Variants in PTPRT observed in about 807,000 individuals in gnomAD.
PTPRT encodes the protein receptor-type tyrosine-protein phosphatase T.
In PTPRT, 56 loss-of-function variants were observed where a neutral mutation model predicts 176.8. That is an observed-to-expected ratio of 0.32 (90% CI 0.26 to 0.40). PTPRT has a LOEUF of 0.40. Ranked by LOEUF, PTPRT falls within the 10% of genes least tolerant of loss-of-function variation. The pLI is 1.00. For synonymous variants in PTPRT, 783 were observed against 739.0 expected, an observed-to-expected ratio of 1.06 and a Z score of -0.96; for missense variants, 1,540 against 1,908.2, an observed-to-expected ratio of 0.81 and a Z score of 3.60.
intron 16 of PTPRT, among the ~76,000 whole-genome samples, chr20:42,186,178 A>G (rs1342261822): frequency 6.6e-6 from 1 of 152,178 alleles, no homozygotes; most frequent in Non-Finnish European, 1.5e-5. Flanking sequence ...CATTTCTGTC[A>G]AAGACCAGAG....
chr20:43,072,842 T>C (rs2011199089), intron 1 of PTPRT, among the ~76,000 whole-genome samples: 1 of 152,234 alleles, frequency 6.6e-6, no homozygotes, highest in African/African-American at 2.4e-5. Flanking sequence ...TGTGAAGTGA[T>C]TTGTGTCCAA....
intron 11 of PTPRT, among the ~76,000 whole-genome samples, chr20:42,347,250 T>C (rs112711951): frequency 2.0e-3 from 311 of 152,342 alleles, no homozygotes; most frequent in Admixed American, 3.9e-3. Context: ...CAGAAAACTA[T>C]TAACTGTAAA....
chr20:42,184,333 G>A (rs1199423848), intron 16 of PTPRT, among the ~76,000 whole-genome samples: 4 of 152,134 alleles, frequency 2.6e-5, no homozygotes, highest in Non-Finnish European at 5.9e-5. Context: ...ACCACACAGT[G>A]TTTAAGATTC....
intron 13 of PTPRT, among the ~76,000 whole-genome samples, chr20:42,257,641 CCA>C (rs764933064): frequency 0.069 from 1,823 of 26,266 alleles, 4 homozygotes; most frequent in Non-Finnish European, 0.1. Context: ...GCACCTCCCC[CCA>C]CCCCCCCCCC....
At chr20:42,729,694 C>G (rs903227076) in intron 6 of PTPRT, among the ~76,000 whole-genome samples, 3 of 152,208 alleles carry the variant, frequency 2.0e-5, no homozygotes, top group Non-Finnish European at 4.4e-5. Context: ...CTGTGAGACA[C>G]AGGATTGCAC....
chr20:43,003,659 G>C (rs971954995), intron 1 of PTPRT, among the ~76,000 whole-genome samples: 1 of 152,116 alleles, frequency 6.6e-6, no homozygotes, highest in Non-Finnish European at 1.5e-5. Context: ...GAAGTATCTC[G>C]CATTGTTTTT....
intron 15 of PTPRT, among the ~76,000 whole-genome samples, chr20:42,199,664 C>T (rs1991372971): frequency 6.6e-6 from 1 of 152,160 alleles, no homozygotes; most frequent in East Asian, 1.9e-4. Context: ...CCCCACTCTC[C>T]TTTCAGAGGA....
chr20:42,761,953 G>A (rs2076921819), intron 5 of PTPRT, among the ~76,000 whole-genome samples: 1 of 152,174 alleles, frequency 6.6e-6, no homozygotes, highest in Non-Finnish European at 1.5e-5. Flanking sequence ...GTGAAAGGAG[G>A]GTAGAGAGTG....
In PTPRT at chr20:42,495,134, C is replaced by A. The variant is rs188278896; in HGVS notation, c.1154-22572G>T. Among the ~76,000 whole-genome samples, 456 of 152,276 alleles carry A rather than the reference C, an allele frequency of 3.0e-3. 3 individuals carry two copies. Among genetic ancestry groups the A allele is most frequent in the African/African-American group, 0.01 (420 of 41,556 alleles). ...GAGCAGCAAAGAACTTAAAGATCATCAGGCCTAACGTCCCCACTTATAGAT... is the reference window on the plus strand; with the variant it reads ...GAGCAGCAAAGAACTTAAAGATCATAAGGCCTAACGTCCCCACTTATAGAT... On this transcript the variant is annotated intron_variant, in intron 7 of 30. Coordinates refer to ENST00000373187, the MANE Select transcript of PTPRT (RefSeq NM_007050.6).
chr20:42,975,126 TA>T (rs1156394427), intron 1 of PTPRT, among the ~76,000 whole-genome samples: 3 of 152,040 alleles, frequency 2.0e-5, no homozygotes, highest in African/African-American at 7.2e-5. Flanking sequence ...GACAAGAGAT[TA>T]AAAAAAATCA....
intron 6 of PTPRT, among the ~76,000 whole-genome samples, chr20:42,711,718 C>T (rs1416566632): frequency 6.6e-6 from 1 of 151,850 alleles, no homozygotes; most frequent in East Asian, 1.9e-4. Flanking sequence ...TATCCAAATG[C>T]CAAGGAATAT....
At position 42,141,961 on chromosome 20, in the gene PTPRT, C is replaced by T. The variant is rs1003355557; in HGVS notation, c.2724G>A (p.Lys908=). Residue 908 remains lysine, a synonymous_variant, in exon 18 of 31, where the codon AAG becomes AAA. Coordinates refer to ENST00000373187, the MANE Select transcript of PTPRT (RefSeq NM_007050.6). The stretch of plus-strand genomic sequence containing the variant: ...GATTCTTATTGCGGTTTTCATCCTC[C>T]TTGGCTGTGTCCCACGAAGCTGTCT... ...EGQTASWDTA[K]EDENRNKNRY... 5 of 1,614,038 alleles carry T rather than the reference C, an allele frequency of 3.1e-6. No homozygotes were observed. The highest frequency in any genetic ancestry group is 4.2e-6 in the Non-Finnish European group (5 of 1,180,006).
chr20:43,068,296 A>T (rs561800195), intron 1 of PTPRT, among the ~76,000 whole-genome samples: 5 of 150,466 alleles, frequency 3.3e-5, no homozygotes, highest in Admixed American at 3.3e-4. Flanking sequence ...CGAGGTCAGG[A>T]GATCGAGACT....
rs371039643 is a variant in PTPRT at position 42,780,307 on chromosome 20, A to G, written c.487-8T>C. The G allele has an allele frequency of 3.0e-5, 48 of 1,611,364 alleles. No homozygotes were observed. The highest frequency in any genetic ancestry group is 3.9e-5 in the Non-Finnish European group (46 of 1,177,686). On this transcript the variant is annotated splice_polypyrimidine_tract_variant and splice_region_variant and intron_variant, in intron 3 of 30. Transcript: ENST00000373187. The stretch of plus-strand genomic sequence containing the variant: ...GACGGATTCAAATATCACCTGCAAC[A>G]CACAGGGCGGGAGTCAATTTCACAG...
intron 1 of PTPRT, among the ~76,000 whole-genome samples, chr20:43,096,279 C>G (rs1488624799): frequency 6.6e-6 from 1 of 152,064 alleles, no homozygotes; most frequent in African/African-American, 2.4e-5. Flanking sequence ...TTGAAAACTT[C>G]CCACCACCTG....
the PTPRT span, among the ~76,000 whole-genome samples, chr20:42,039,690 G>GTATA: frequency 7.8e-5 from 5 of 64,166 alleles, no homozygotes; most frequent in South Asian, 1.6e-3. Context: ...ATATTCTGTT[G>GTATA]TGTATATATA....
intron 6 of PTPRT, chr20:42,687,730 C>T (rs1298798553): frequency 6.6e-6 from 1 of 152,230 alleles, no homozygotes; most frequent in Non-Finnish European, 1.5e-5. Context: ...GCCAAGCAGC[C>T]CTGCTATGAA....
chr20:42,805,132 C>A (rs992155629), intron 2 of PTPRT, among the ~76,000 whole-genome samples: 3 of 152,110 alleles, frequency 2.0e-5, no homozygotes, highest in Non-Finnish European at 4.4e-5. Flanking sequence ...GGAAAATATT[C>A]TTTTTAACTA....
chr20:42,655,118 T>C (rs1381072865), intron 7 of PTPRT, among the ~76,000 whole-genome samples: 1 of 152,128 alleles, frequency 6.6e-6, no homozygotes, highest in African/African-American at 2.4e-5. Context: ...GGTATGGAAG[T>C]AGCAAAATTA....
Sources: allele counts gnomAD v4.1 joint callset (sites outside exome capture counted in the v4.1 genomes callset), GRCh38; gene constraint gnomAD v4.1.1; transcripts MANE v1.5; gene names NCBI Gene and HGNC (gene_info 2026-07-23, HGNC 2026-07-21).